PAPPA2: variants seen among roughly 807,000 people sequenced by gnomAD.
PAPPA2 encodes the protein pappalysin-2.
Under a neutral mutation model 176.4 loss-of-function variants are expected in PAPPA2, and 86 were observed. That is an observed-to-expected ratio of 0.49 (90% CI 0.41 to 0.58). The LOEUF (loss-of-function observed/expected upper bound fraction) is 0.58, where lower values mean the gene tolerates loss of function less well. PAPPA2 is among the 20% of genes least tolerant of loss of function. The pLI, the probability that PAPPA2 is intolerant of heterozygous loss-of-function variation, is 0.00. For synonymous variants in PAPPA2, 809 were observed against 852.2 expected (o/e 0.95, Z 0.88); for missense variants, 2,073 against 2,256.9 (o/e 0.92, Z 1.65).
chr1:176,668,540 C>T (rs543554739), intron 3 of PAPPA2, among the ~76,000 whole-genome samples: 4 of 152,248 alleles, frequency 2.6e-5, no homozygotes, highest in Non-Finnish European at 5.9e-5. Flanking sequence ...GAACCAGATT[C>T]TGGTCATATT....
intron 10 of PAPPA2, among the ~76,000 whole-genome samples, chr1:176,708,480 G>A (rs188739590): frequency 6.6e-6 from 1 of 151,630 alleles, no homozygotes; most frequent in Admixed American, 6.6e-5. Flanking sequence ...AGTAAGAAGA[G>A]TAGTTACTGG....
At chr1:176,665,096 G>A (rs1658564849) in intron 3 of PAPPA2, among the ~76,000 whole-genome samples, 1 of 152,140 alleles carries the variant, frequency 6.6e-6, no homozygotes, top group South Asian at 2.1e-4. Flanking sequence ...GAGGAGAAAT[G>A]GGTGTGGGGA....
At chr1:176,463,780 G>T (rs902556274) in intron 1 of PAPPA2, among the ~76,000 whole-genome samples, 1 of 152,206 alleles carries the variant, frequency 6.6e-6, no homozygotes, top group East Asian at 1.9e-4. Flanking sequence ...GGCCTGTGCA[G>T]GGAGACCATG....
At chr1:176,488,466 G>A (rs1384781569) in intron 1 of PAPPA2, among the ~76,000 whole-genome samples, 2 of 152,088 alleles carry the variant, frequency 1.3e-5, no homozygotes, top group African/African-American at 4.8e-5. Flanking sequence ...GAGTGTCTTC[G>A]AAATTAGATT....
intron 4 of PAPPA2, among the ~76,000 whole-genome samples, chr1:176,679,204 T>A (rs894481867): frequency 3.3e-5 from 5 of 152,188 alleles, no homozygotes; most frequent in Non-Finnish European, 5.9e-5. Flanking sequence ...CTGAGTTTTA[T>A]CCTTGACCCA....
chr1:176,690,475 G>T, intron 5 of PAPPA2, 45 bp downstream of exon 5: 1 of 1,590,414 alleles, frequency 6.3e-7, no homozygotes, highest in Non-Finnish European at 8.6e-7. Flanking sequence ...AATACATGGG[G>T]GCCTTTGAGA....
chr1:176,562,041 C>G (rs1009120257), intron 2 of PAPPA2, among the ~76,000 whole-genome samples: 1 of 152,154 alleles, frequency 6.6e-6, no homozygotes, highest in African/African-American at 2.4e-5. Context: ...TCAATTACCT[C>G]CCACCAGGTC....
In PAPPA2 at chr1:176,739,980, G is replaced by T. The variant is rs1162411549; in HGVS notation, c.3935G>T (p.Gly1312Val). Residue 1312 changes from glycine to valine, a missense_variant and splice_region_variant, in exon 14 of 23, where the codon GGA (glycine) becomes GTA (valine). Around this residue, in one of 4 missense-constraint regions of PAPPA2, gnomAD observed 846 missense variants for 857.9 expected, o/e 0.99. Transcript: ENST00000367662. Reference protein sequence around the residue: ...TDVRGSNHSLGTYGLSCQHNP... With the variant: ...TDVRGSNHSLVTYGLSCQHNP... ...ATGATTCATCTCCGTTTATCTTCAG[G>T]AACCTATGGACTGTCATGCCAGCAT... 1 of 1,613,632 alleles carries T rather than the reference G, an allele frequency of 6.2e-7. No individual in the cohort carries two copies. Among genetic ancestry groups the T allele is most frequent in the Admixed American group, 1.7e-5 (1 of 59,968 alleles).
intron 2 of PAPPA2, among the ~76,000 whole-genome samples, chr1:176,577,171 A>G (rs1189063529): frequency 2.0e-5 from 3 of 152,150 alleles, no homozygotes; most frequent in African/African-American, 4.8e-5. Context: ...ACTACCTTCT[A>G]TGGGCATCAT....
intron 3 of PAPPA2, among the ~76,000 whole-genome samples, chr1:176,623,622 C>CTTTCTTTCTTTCTTTCTTTCTTT (rs1558479081): frequency 2.5e-5 from 2 of 79,820 alleles, no homozygotes; most frequent in Non-Finnish European, 4.8e-5. Flanking sequence ...TTCCTTCCTT[C>CTTTCTTTCTTTCTTTCTTTCTTT]CTTTTTTACT....
At chr1:176,464,327 T>C (rs1026207416) in intron 1 of PAPPA2, among the ~76,000 whole-genome samples, 1 of 152,178 alleles carries the variant, frequency 6.6e-6, no homozygotes, top group Non-Finnish European at 1.5e-5. Context: ...GAGAAGTCTG[T>C]TTGTATTTAT....
chr1:176,563,828 T>C (rs780918303), intron 2 of PAPPA2, among the ~76,000 whole-genome samples: 1 of 152,192 alleles, frequency 6.6e-6, no homozygotes, highest in African/African-American at 2.4e-5. Context: ...GCATTTTCAC[T>C]GAGGCCACAG....
intron 6 of PAPPA2, among the ~76,000 whole-genome samples, chr1:176,692,549 C>A (rs1382922904): frequency 2.0e-5 from 3 of 152,222 alleles, no homozygotes; most frequent in Non-Finnish European, 1.5e-5. Flanking sequence ...CTCAGGGAGG[C>A]CTGGAGAGCC....
rs553103596 is a variant in PAPPA2, at chr1:176,724,559, G to A, written c.3798+12578G>A. 2.6e-5 allele frequency among the ~76,000 whole-genome samples: 4 copies of A among 152,238 alleles called. No individual in the cohort carries two copies. The East Asian group carries it at 7.7e-4, about 29-fold the overall frequency. ...GCTGGACTGGTTAGCAATCCCAACAGCAACCACCACATGCTCACAGTGTCT... is the reference window on the plus strand; with the variant it reads ...GCTGGACTGGTTAGCAATCCCAACAACAACCACCACATGCTCACAGTGTCT... On this transcript the variant is annotated intron_variant, in intron 12 of 22. Coordinates refer to ENST00000367662, the MANE Select transcript of PAPPA2 (RefSeq NM_020318.3).
intron 20 of PAPPA2, among the ~76,000 whole-genome samples, chr1:176,797,565 T>C (rs1665500996): frequency 6.6e-6 from 1 of 152,100 alleles, no homozygotes; most frequent in Non-Finnish European, 1.5e-5. Flanking sequence ...GAGAATCACT[T>C]GAGCCCGAGA....
At chr1:176,660,144 G>A (rs1573209390) in intron 3 of PAPPA2, among the ~76,000 whole-genome samples, 1 of 152,080 alleles carries the variant, frequency 6.6e-6, no homozygotes, top group Admixed American at 6.6e-5. Flanking sequence ...AAGAAGGATA[G>A]CACTGATCCA....
At chr1:176,691,423 C>T (rs1221685338) in intron 5 of PAPPA2, among the ~76,000 whole-genome samples, 1 of 152,182 alleles carries the variant, frequency 6.6e-6, no homozygotes, top group Non-Finnish European at 1.5e-5. Context: ...TGTGTAAGCA[C>T]CAGCACCTCT....
At chr1:176,499,522 G>A (rs532458954) in intron 1 of PAPPA2, among the ~76,000 whole-genome samples, 6 of 152,258 alleles carry the variant, frequency 3.9e-5, no homozygotes, top group South Asian at 4.1e-4. Flanking sequence ...GTGAAGAAAA[G>A]GGCAGGACTG....
At chr1:176,666,014 G>A (rs966139108) in intron 3 of PAPPA2, among the ~76,000 whole-genome samples, 3 of 152,162 alleles carry the variant, frequency 2.0e-5, no homozygotes, top group Non-Finnish European at 2.9e-5. Context: ...TAGTGACAGT[G>A]CTTTGAAGTT....
Sources: gnomAD v4.1 joint callset for allele counts (sites outside exome capture counted in the v4.1 genomes callset) on GRCh38, gnomAD v4.1.1 for gene constraint, gnomAD v4.1.1 regional missense constraint, MANE v1.5 for transcripts, NCBI Gene and HGNC (gene_info 2026-07-23, HGNC 2026-07-21) for gene names.